TMOD1: variants seen among roughly 807,000 people sequenced by gnomAD.
TMOD1 encodes the protein tropomodulin-1.
TMOD1 carries 17 observed loss-of-function variants against 40.6 expected under a neutral mutation model. The ratio of observed to expected loss-of-function variants is 0.42; its 90% CI spans 0.29 to 0.63. TMOD1 has a LOEUF of 0.63. Among genes scored for constraint, TMOD1 ranks in the 20% least tolerant of loss-of-function variants. The probability of loss-of-function intolerance (pLI) is 0.22; values close to 1 mark genes in which losing one functional copy is unlikely to be tolerated. For missense variants in TMOD1, 391 were observed against 447.6 expected (o/e 0.87, Z 1.14); for synonymous variants, 181 against 175.0 (o/e 1.03, Z -0.27).
intron 2 of TMOD1, among the ~76,000 whole-genome samples, chr9:97,542,569 G>A (rs974723287): frequency 2.6e-5 from 4 of 152,056 alleles, no homozygotes; most frequent in African/African-American, 9.7e-5. Context: ...AGGAAATTTG[G>A]TGGCTGGGCA....
chr9:97,511,509 G>A (rs1160410062), intron 1 of TMOD1, among the ~76,000 whole-genome samples: 2 of 152,172 alleles, frequency 1.3e-5, no homozygotes, highest in South Asian at 2.1e-4. Flanking sequence ...TGCCATCGCT[G>A]CTCACAGCCT....
rs138653712 is a variant in TMOD1, at chr9:97,543,179, C to A, written c.121-3006C>A. On this transcript the variant is annotated intron_variant, in intron 2 of 9. Transcript: ENST00000259365. ...ATCGCAATACTTAGCCTTTCTGGGG[C>A]CAGAACATGCCCCAGCATCTTACTG... is the stretch of plus-strand genomic sequence containing the variant. 3.9e-4 allele frequency among the ~76,000 whole-genome samples: 59 copies of A among 152,328 alleles called. No homozygotes were observed. In the Middle Eastern group the frequency reaches 0.014, roughly 35 times the overall value.
At chr9:97,536,479 G>T (rs1257416819) in intron 2 of TMOD1, among the ~76,000 whole-genome samples, 1 of 152,120 alleles carries the variant, frequency 6.6e-6, no homozygotes, top group Non-Finnish European at 1.5e-5. Context: ...ATTACTCAAT[G>T]CCCCTGGACC....
chr9:97,509,983 G>C (rs1829668294), intron 1 of TMOD1, among the ~76,000 whole-genome samples: 1 of 151,696 alleles, frequency 6.6e-6, no homozygotes, highest in South Asian at 2.1e-4. Context: ...TTTTTTATTG[G>C]AGGAACTCTT....
intron 2 of TMOD1, among the ~76,000 whole-genome samples, chr9:97,527,674 C>T (rs567907272): frequency 1.5e-4 from 23 of 152,236 alleles, no homozygotes; most frequent in Admixed American, 9.2e-4. Flanking sequence ...GGCCGACTGA[C>T]GGGTTTAGAC....
intron 2 of TMOD1, among the ~76,000 whole-genome samples, chr9:97,531,483 C>T (rs1274413406): frequency 1.3e-5 from 2 of 152,064 alleles, no homozygotes; most frequent in East Asian, 3.9e-4. Context: ...TGGTGGTGCG[C>T]AACTGTAATC....
chr9:97,560,646 AAAAAT>A (rs1424645315), intron 4 of TMOD1, among the ~76,000 whole-genome samples: 1 of 144,568 alleles, frequency 6.9e-6, no homozygotes, highest in Non-Finnish European at 1.5e-5. Context: ...CCGGACGACA[AAAAAT>A]ACAATATTTT....
chr9:97,584,636 A>G (rs1229557601), intron 8 of TMOD1, among the ~76,000 whole-genome samples: 4 of 152,158 alleles, frequency 2.6e-5, no homozygotes, highest in Non-Finnish European at 5.9e-5. Context: ...GTGGGAGTCT[A>G]AGTCTCTCTG....
At chr9:97,524,075 G>A in intron 1 of TMOD1, 66 bp from the exon 2 acceptor site, 2 of 1,231,988 alleles carry the variant, frequency 1.6e-6, no homozygotes, top group African/African-American at 1.5e-5. Flanking sequence ...TGAACGATGA[G>A]CCTCCATTTG....
At chr9:97,506,479 C>T (rs1273551990) in intron 1 of TMOD1, among the ~76,000 whole-genome samples, 1 of 152,336 alleles carries the variant, frequency 6.6e-6, no homozygotes, top group South Asian at 2.1e-4. Flanking sequence ...GACAGTCACA[C>T]AACACCAACC....
chr9:97,540,556 C>A (rs1830262034), intron 2 of TMOD1, among the ~76,000 whole-genome samples: 2 of 152,224 alleles, frequency 1.3e-5, no homozygotes, highest in African/African-American at 4.8e-5. Context: ...TAACACCAGC[C>A]CTAGGCAACC....
chr9:97,566,954 A>G (rs1231459597), intron 7 of TMOD1, among the ~76,000 whole-genome samples: 1 of 152,224 alleles, frequency 6.6e-6, no homozygotes, highest in Non-Finnish European at 1.5e-5. Context: ...CAAGCAGACA[A>G]CTAAAGGGTA....
chr9:97,565,886 C>T lies in TMOD1; in HGVS notation c.657C>T (p.Ala219=). 1 of 1,614,130 alleles carries T rather than the reference C, an allele frequency of 6.2e-7. No homozygotes were observed. The highest frequency in any genetic ancestry group is 8.5e-7 in the Non-Finnish European group (1 of 1,180,016). ...PIPTLKAYAE[A]LKENSYVKKF... ...CCACCCTCAAGGCATATGCAGAAGCCCTGAAAGAAAACTCATATGTGAAGA... is the reference window on the plus strand; with the variant it reads ...CCACCCTCAAGGCATATGCAGAAGCTCTGAAAGAAAACTCATATGTGAAGA... The change falls in exon 7 of 10, where the codon GCC becomes GCT. Residue 219 remains alanine, a synonymous_variant. Coordinates refer to ENST00000259365, the MANE Select transcript of TMOD1 (RefSeq NM_003275.4).
At position 97,600,391 on chromosome 9, in the gene TMOD1, G is replaced by A. The variant is rs1248344136; in HGVS notation, c.*693G>A. 21 of 985,768 alleles carry A rather than the reference G, an allele frequency of 2.1e-5. No homozygotes were observed. The highest frequency in any genetic ancestry group is 2.5e-5 in the Non-Finnish European group (21 of 830,156). 61.1% of individuals were successfully genotyped at this position (985,768 alleles called of 1,614,324 possible). A position where few individuals can be genotyped will look rare whatever the true frequency, so the allele number is the denominator to read the frequency against. Reference sequence around the variant, plus strand: ...ATTACCAATCCCAGGCAACAAACATGTCCCTGAGTGTTCTTTAAGAACATT... The same window carrying A: ...ATTACCAATCCCAGGCAACAAACATATCCCTGAGTGTTCTTTAAGAACATT... On this transcript the variant is annotated 3_prime_UTR_variant, in exon 10 of 10. Transcript: ENST00000259365.
At chr9:97,536,081 T>A (rs565534854) in intron 2 of TMOD1, among the ~76,000 whole-genome samples, 1 of 152,172 alleles carries the variant, frequency 6.6e-6, no homozygotes, top group South Asian at 2.1e-4. Context: ...CAGGCTAAAG[T>A]ATGTGAGAAG....
intron 4 of TMOD1, chr9:97,555,326 G>T: frequency 8.6e-7 from 1 of 1,167,194 alleles, no homozygotes. Context: ...ACATGGACTG[G>T]GGCTGTTTTT....
chr9:97,571,853 C>T (rs1487802534), intron 8 of TMOD1, among the ~76,000 whole-genome samples: 3 of 152,248 alleles, frequency 2.0e-5, no homozygotes, highest in Non-Finnish European at 4.4e-5. Context: ...TGGTCAGCAC[C>T]ACCCGCCATC....
rs1830488297 is a variant in TMOD1, at chr9:97,553,717, C to A, written c.397+317C>A. Among the ~76,000 whole-genome samples the A allele has an allele frequency of 2.6e-5, 4 of 152,264 alleles. No individual in the cohort carries two copies. In the South Asian group the frequency reaches 8.3e-4, roughly 32 times the overall value. ...CATTAGCGTTGAATCCTGCCCAAAC[C>A]ATTTGGGAAGAGAGGATAGAGGGAA... On this transcript the variant is annotated intron_variant, in intron 4 of 9. Transcript: ENST00000259365.
At chr9:97,545,533 T>C (rs1203159938) in intron 2 of TMOD1, among the ~76,000 whole-genome samples, 1 of 152,190 alleles carries the variant, frequency 6.6e-6, no homozygotes, top group Non-Finnish European at 1.5e-5. Context: ...TAACCACCAG[T>C]GTGTTGTGAG....
Sources: gnomAD v4.1 joint callset for allele counts (sites outside exome capture counted in the v4.1 genomes callset) on GRCh38, gnomAD v4.1.1 for gene constraint, MANE v1.5 for transcripts, NCBI Gene and HGNC (gene_info 2026-07-23, HGNC 2026-07-21) for gene names.